PHLPP1: variants seen among roughly 807,000 people sequenced by gnomAD.
The protein encoded by PHLPP1 is PH domain and leucine rich repeat protein phosphatase 1, also known as PH domain leucine-rich repeat-containing protein phosphatase 1.
A neutral mutation model predicts 117.2 loss-of-function variants in PHLPP1; 42 were observed. The ratio of observed to expected loss-of-function variants is 0.36; its 90% confidence interval spans 0.28 to 0.46. PHLPP1 has a LOEUF of 0.46. Among genes scored for constraint, PHLPP1 ranks in the 20% least tolerant of loss-of-function variants. The pLI is 1.00. For missense variants in PHLPP1, 2,084 were observed against 2,241.9 expected (o/e 0.93, Z 1.42); for synonymous variants, 1,042 against 970.7 (o/e 1.07, Z -1.37).
intron 5 of PHLPP1, 132 bp downstream of exon 5, chr18:62,895,289 G>A (rs1916527949): frequency 1.2e-6 from 1 of 825,258 alleles, no homozygotes. Context: ...AAGAGATCAG[G>A]GACTATGTAG....
intron 1 of PHLPP1, among the ~76,000 whole-genome samples, chr18:62,754,406 A>C (rs1335242252): frequency 1.3e-5 from 2 of 152,202 alleles, no homozygotes; most frequent in Admixed American, 6.5e-5. Context: ...CAGTCTTCAT[A>C]CTTTTTTTCC....
intron 3 of PHLPP1, among the ~76,000 whole-genome samples, chr18:62,854,368 G>T (rs1257748490): frequency 1.3e-5 from 2 of 152,142 alleles, no homozygotes; most frequent in Non-Finnish European, 2.9e-5. Flanking sequence ...TTGCCCAGCT[G>T]GATAAGTTGT....
intron 1 of PHLPP1, among the ~76,000 whole-genome samples, chr18:62,764,778 G>A (rs765909293): frequency 7.9e-5 from 12 of 152,230 alleles, no homozygotes; most frequent in Non-Finnish European, 1.8e-4. Context: ...CAGATGTGAT[G>A]CTAGCTTTCA....
intron 11 of PHLPP1, 61 bp from the exon 12 acceptor site, chr18:62,945,045 TTCA>T: frequency 8.2e-7 from 1 of 1,216,244 alleles, no homozygotes; most frequent in Non-Finnish European, 1.1e-6. Context: ...AGCAATTTAA[TTCA>T]TCCTTTGATT....
chr18:62,964,602 G>A (rs1048606722), intron 14 of PHLPP1, among the ~76,000 whole-genome samples: 1 of 152,160 alleles, frequency 6.6e-6, no homozygotes, highest in Non-Finnish European at 1.5e-5. Context: ...AACCCGAGGA[G>A]GTGTGCCTCA....
At chr18:62,839,573 G>A (rs190606425) in intron 3 of PHLPP1, 2 of 151,588 alleles carry the variant, frequency 1.3e-5, no homozygotes, top group African/African-American at 4.8e-5. Context: ...AAAAAAATTA[G>A]CCAGGCATGA....
chr18:62,725,119 G>A (rs1336149776), intron 1 of PHLPP1, among the ~76,000 whole-genome samples: 1 of 152,138 alleles, frequency 6.6e-6, no homozygotes, highest in East Asian at 1.9e-4. Flanking sequence ...AGCACTTTGG[G>A]AGGCTGAGTC....
chr18:62,862,675 AGT>A (rs1385606286), intron 4 of PHLPP1, among the ~76,000 whole-genome samples: 1 of 152,186 alleles, frequency 6.6e-6, no homozygotes, highest in African/African-American at 2.4e-5. Flanking sequence ...TAATCAGATA[AGT>A]GTTTTCCTTG....
chr18:62,881,681 G>C (rs2144384713), intron 4 of PHLPP1, among the ~76,000 whole-genome samples: 1 of 152,348 alleles, frequency 6.6e-6, no homozygotes, highest in South Asian at 2.1e-4. Flanking sequence ...AAGCCTCCCA[G>C]ATGATGGCAG....
chr18:62,924,699 A>G lies in PHLPP1; in HGVS notation c.2960+4585A>G, dbSNP rs1374014389. ...TTGAAAAAAAAAAAAAAAAAAAAAAAGTCAGGTGTGGTGGCACACACCTCT... is the reference window on the plus strand; with the variant it reads ...TTGAAAAAAAAAAAAAAAAAAAAAAGGTCAGGTGTGGTGGCACACACCTCT... On this transcript the variant is annotated intron_variant, in intron 10 of 16. Transcript: ENST00000262719. 9.6e-5 allele frequency among the ~76,000 whole-genome samples: 12 copies of G among 125,182 alleles called. No homozygotes were observed. In the South Asian group the frequency reaches 1.9e-3, roughly 20 times the overall value. 82.1% of individuals were successfully genotyped at this position (125,182 alleles called of 152,430 possible).
At chr18:62,876,496 G>A (rs1916053096) in intron 4 of PHLPP1, among the ~76,000 whole-genome samples, 2 of 152,050 alleles carry the variant, frequency 1.3e-5, no homozygotes, top group South Asian at 4.1e-4. Context: ...TTTATAGTAA[G>A]CATCTAAAAA....
chr18:62,865,256 T>G (rs1332043038), intron 4 of PHLPP1, among the ~76,000 whole-genome samples: 1 of 152,146 alleles, frequency 6.6e-6, no homozygotes, highest in Non-Finnish European at 1.5e-5. Context: ...ATCCCAGTAG[T>G]TTGAGGCTGC....
intron 1 of PHLPP1, among the ~76,000 whole-genome samples, chr18:62,816,303 C>T (rs752293939): frequency 9.2e-5 from 14 of 152,154 alleles, no homozygotes; most frequent in South Asian, 2.1e-4. Context: ...CAGTGGCTCA[C>T]GCCTGTAATC....
chr18:62,855,230 T>C (rs957157411), intron 3 of PHLPP1, among the ~76,000 whole-genome samples: 3 of 152,240 alleles, frequency 2.0e-5, no homozygotes, highest in African/African-American at 7.2e-5. Context: ...TAAAGCCTAC[T>C]TGCTCTGAGG....
intron 1 of PHLPP1, among the ~76,000 whole-genome samples, chr18:62,817,448 A>T (rs1914316635): frequency 6.6e-6 from 1 of 152,232 alleles, no homozygotes; most frequent in Non-Finnish European, 1.5e-5. Flanking sequence ...TACATACACA[A>T]ATTGAATTTA....
At chr18:62,938,015 A>G (rs1910025628) in intron 10 of PHLPP1, among the ~76,000 whole-genome samples, 2 of 152,174 alleles carry the variant, frequency 1.3e-5, no homozygotes, top group South Asian at 4.1e-4. Context: ...CAAAAAAGAA[A>G]ATAAAAAAGA....
chr18:62,803,968 G>T (rs693389), intron 1 of PHLPP1, among the ~76,000 whole-genome samples: 1 of 152,098 alleles, frequency 6.6e-6, no homozygotes, highest in African/African-American at 2.4e-5. Flanking sequence ...GATATTGGGG[G>T]TGGGTGGGTG....
chr18:62,946,200 T>C (rs1910276503), intron 12 of PHLPP1, among the ~76,000 whole-genome samples: 1 of 152,190 alleles, frequency 6.6e-6, no homozygotes, highest in Non-Finnish European at 1.5e-5. Context: ...ATATAAACCT[T>C]GTGTTTTAGA....
At chr18:62,814,260 A>G (rs572132402) in intron 1 of PHLPP1, among the ~76,000 whole-genome samples, 1 of 152,322 alleles carries the variant, frequency 6.6e-6, no homozygotes, top group Non-Finnish European at 1.5e-5. Flanking sequence ...TAACCCTCCC[A>G]AATCTATTTA....
Sources: gnomAD v4.1 joint callset for allele counts (sites outside exome capture counted in the v4.1 genomes callset) on GRCh38, gnomAD v4.1.1 for gene constraint, MANE v1.5 for transcripts, NCBI Gene and HGNC (gene_info 2026-07-23, HGNC 2026-07-21) for gene names.